The following PDZRN4 variants were observed in gnomAD, a reference collection of about 807,000 sequenced individuals.
PDZRN4 encodes PDZ domain-containing RING finger protein 4.
A neutral mutation model predicts 99.0 loss-of-function variants in PDZRN4; 70 were observed. The observed-to-expected ratio is 0.71, with a 90% confidence interval of 0.58 to 0.86. The LOEUF (loss-of-function observed/expected upper bound fraction) is 0.86, where lower values mean the gene tolerates loss of function less well. Ranked by LOEUF, PDZRN4 falls within the 40% of genes least tolerant of loss-of-function variation. The pLI is 0.00. For missense variants in PDZRN4, 1,474 were observed against 1,331.2 expected (o/e 1.11, Z -1.67); for synonymous variants, 551 against 501.6 (o/e 1.10, Z -1.32).
chr12:41,532,690 C>T (rs1938681373), intron 5 of PDZRN4, among the ~76,000 whole-genome samples: 1 of 152,160 alleles, frequency 6.6e-6, no homozygotes, highest in African/African-American at 2.4e-5. Flanking sequence ...AATCCCAGCT[C>T]TTCCATTTTT....
intron 3 of PDZRN4, among the ~76,000 whole-genome samples, chr12:41,249,658 A>G (rs138133110): frequency 7.4e-4 from 113 of 152,310 alleles, no homozygotes; most frequent in African/African-American, 2.5e-3. Flanking sequence ...AAGAAGCATA[A>G]CGATGGATTT....
intron 3 of PDZRN4, among the ~76,000 whole-genome samples, chr12:41,215,818 G>T (rs917462386): frequency 1.3e-4 from 20 of 149,410 alleles, no homozygotes; most frequent in Admixed American, 1.3e-3. Context: ...ACTTGTCTTT[G>T]AAAAAGCCTC....
intron 3 of PDZRN4, among the ~76,000 whole-genome samples, chr12:41,481,274 C>A (rs1937669347): frequency 6.6e-6 from 1 of 151,998 alleles, no homozygotes; most frequent in Admixed American, 6.6e-5. Flanking sequence ...GTCTGACCAC[C>A]CATAATTAGA....
chr12:41,555,413 AG>A (rs1454991202), intron 6 of PDZRN4, among the ~76,000 whole-genome samples: 1 of 151,830 alleles, frequency 6.6e-6, no homozygotes, highest in Non-Finnish European at 1.5e-5. Flanking sequence ...AAAAAAAAAA[AG>A]AATGAAGGGA....
intron 5 of PDZRN4, among the ~76,000 whole-genome samples, chr12:41,527,862 G>C (rs565415092): frequency 6.6e-6 from 1 of 152,128 alleles, no homozygotes; most frequent in Non-Finnish European, 1.5e-5. Flanking sequence ...CTCACTCTGA[G>C]GTTTTTCTAT....
At position 41,550,435 on chromosome 12, in the gene PDZRN4, T is replaced by C. The variant is rs565453176; in HGVS notation, c.1204-2221T>C. Among the ~76,000 whole-genome samples the C allele has an allele frequency of 1.3e-4, 20 of 152,336 alleles. 1 individual carries two copies. Among genetic ancestry groups the C allele is most frequent in the African/African-American group, 4.6e-4 (19 of 41,580 alleles). ...GCTGTAATTGAAGCTGTTTTGTTGCTATAATTCCTTCCTAATGTTGCAGTT... is the reference window on the plus strand; with the variant it reads ...GCTGTAATTGAAGCTGTTTTGTTGCCATAATTCCTTCCTAATGTTGCAGTT... On this transcript the variant is annotated intron_variant, in intron 5 of 9. Transcript: ENST00000402685.
intron 5 of PDZRN4, among the ~76,000 whole-genome samples, chr12:41,537,838 A>G (rs1398074033): frequency 6.6e-6 from 1 of 152,174 alleles, no homozygotes; most frequent in Non-Finnish European, 1.5e-5. Context: ...TGATAAGGTC[A>G]TTAACCAGCT....
chr12:41,475,066 A>G (rs1438328105), intron 3 of PDZRN4, among the ~76,000 whole-genome samples: 1 of 152,178 alleles, frequency 6.6e-6, no homozygotes, highest in African/African-American at 2.4e-5. Context: ...TGGTTACAGT[A>G]TATCATAATA....
At chr12:41,302,415 AC>A (rs1951542204) in intron 3 of PDZRN4, among the ~76,000 whole-genome samples, 1 of 152,084 alleles carries the variant, frequency 6.6e-6, no homozygotes, top group South Asian at 2.1e-4. Flanking sequence ...AGGGGTGTAC[AC>A]CCCAGTTTTT....
At chr12:41,461,361 C>G (rs1433596677) in intron 3 of PDZRN4, among the ~76,000 whole-genome samples, 1 of 152,174 alleles carries the variant, frequency 6.6e-6, no homozygotes, top group African/African-American at 2.4e-5. Context: ...TCCTCTCCAT[C>G]CTCAAATTCT....
At chr12:41,387,867 GA>G (rs1443616263) in intron 3 of PDZRN4, among the ~76,000 whole-genome samples, 2 of 152,206 alleles carry the variant, frequency 1.3e-5, no homozygotes, top group African/African-American at 4.8e-5. Flanking sequence ...AAGACAGTGT[GA>G]TGGTTCCTCA....
chr12:41,273,471 A>T (rs1951329261), intron 3 of PDZRN4, among the ~76,000 whole-genome samples: 1 of 152,122 alleles, frequency 6.6e-6, no homozygotes, highest in Non-Finnish European at 1.5e-5. Flanking sequence ...AGAGAATGAA[A>T]CAGTATAGCG....
chr12:41,518,454 T>C (rs1158727306), intron 5 of PDZRN4, among the ~76,000 whole-genome samples: 1 of 152,082 alleles, frequency 6.6e-6, no homozygotes, highest in African/African-American at 2.4e-5. Context: ...ATTTAAATCA[T>C]TAAGAGCTAT....
intron 3 of PDZRN4, among the ~76,000 whole-genome samples, chr12:41,486,200 C>A (rs1271519950): frequency 6.6e-6 from 1 of 151,994 alleles, no homozygotes; most frequent in Non-Finnish European, 1.5e-5. Flanking sequence ...ATATTGAGGG[C>A]AGTTTAAATC....
intron 3 of PDZRN4, among the ~76,000 whole-genome samples, chr12:41,460,224 G>C (rs1952858399): frequency 1.3e-5 from 2 of 152,138 alleles, no homozygotes; most frequent in Middle Eastern, 3.2e-3. Context: ...GTAGGTTTTA[G>C]GAATAGGCAA....
At chr12:41,330,464 C>A (rs542728589) in intron 3 of PDZRN4, among the ~76,000 whole-genome samples, 4 of 142,610 alleles carry the variant, frequency 2.8e-5, no homozygotes, top group Non-Finnish European at 6.1e-5. Context: ...AATCATATAA[C>A]TTGCAGTTCT....
At chr12:41,572,335 T>C (rs1939496049) in intron 9 of PDZRN4, 29 bp from the exon 10 acceptor site, 8 of 1,546,700 alleles carry the variant, frequency 5.2e-6, no homozygotes, top group Non-Finnish European at 7.0e-6. Context: ...TCATTAATTT[T>C]CTTTGTTCTT....
At chr12:41,567,422 T>A (rs955740541) in intron 8 of PDZRN4, among the ~76,000 whole-genome samples, 4 of 152,098 alleles carry the variant, frequency 2.6e-5, no homozygotes, top group African/African-American at 9.7e-5. Context: ...ATAGCCCAAT[T>A]AGTAGCATGG....
intron 6 of PDZRN4, among the ~76,000 whole-genome samples, chr12:41,555,208 G>A (rs539706857): frequency 8.0e-6 from 1 of 124,744 alleles, no homozygotes; most frequent in East Asian, 2.2e-4. Context: ...TCCAGCCTGA[G>A]CGACAGAGCC....
Sources: gnomAD v4.1 joint callset for allele counts (sites outside exome capture counted in the v4.1 genomes callset) on GRCh38, gnomAD v4.1.1 for gene constraint, MANE v1.5 for transcripts, NCBI Gene and HGNC (gene_info 2026-07-23, HGNC 2026-07-21) for gene names.